The following ARID2 variants were observed in gnomAD, a reference collection of about 807,000 sequenced individuals.
ARID2 encodes the protein AT-rich interactive domain-containing protein 2.
In ARID2, 32 loss-of-function variants were observed where a neutral mutation model predicts 184.6. The ratio of observed to expected loss-of-function variants is 0.17; its 90% confidence interval spans 0.13 to 0.23. ARID2 has a LOEUF of 0.23. ARID2 is among the 10% of genes least tolerant of loss of function. ARID2 has a pLI of 1.00. For synonymous variants in ARID2, 836 were observed against 772.6 expected (o/e 1.08, Z -1.36); for missense variants, 1,696 against 2,197.6 (o/e 0.77, Z 4.56).
intron 3 of ARID2, among the ~76,000 whole-genome samples, chr12:45,810,993 A>C (rs1056986377): frequency 6.6e-6 from 1 of 151,994 alleles, no homozygotes; most frequent in African/African-American, 2.4e-5. Context: ...GTGGGTCACG[A>C]GGTCAGGAAA....
intron 3 of ARID2, among the ~76,000 whole-genome samples, chr12:45,796,915 G>A (rs1022514390): frequency 1.5e-4 from 23 of 152,276 alleles, no homozygotes; most frequent in Admixed American, 1.2e-3. Context: ...TTATCCTTCA[G>A]AACCGATATA....
At chr12:45,893,841 A>G in intron 20 of ARID2, 120 bp downstream of exon 20, 2 of 887,770 alleles carry the variant, frequency 2.3e-6, no homozygotes, top group Non-Finnish European at 3.2e-6. Context: ...TTGCAAATAC[A>G]TCCAAAAGTT....
Position 45,850,401 on chromosome 12 carries a change from C to G in ARID2, c.2278C>G (p.Gln760Glu), listed in dbSNP as rs2138161612. Residue 760 changes from glutamine (Q) to glutamate (E), a missense_variant, in exon 15 of 21, where the codon CAG (glutamine) becomes GAG (glutamate). Coordinates refer to ENST00000334344, the MANE Select transcript of ARID2 (RefSeq NM_152641.4). ...ACAACCTGTTACAGTTGTGAATTCT[C>G]AGACATTGCTTCACCATCCATCTGT... ...GPQPVTVVNS[Q>E]TLLHHPSVIP... 6.2e-7 allele frequency: 1 copy of G among 1,614,048 alleles called. No individual in the cohort carries two copies.
At chr12:45,847,018 C>T (rs1592116544) in intron 12 of ARID2, 81 bp downstream of exon 12, 2 of 1,288,974 alleles carry the variant, frequency 1.6e-6, no homozygotes, top group Non-Finnish European at 1.1e-6. Context: ...CTACAGACAT[C>T]CAGAATGTTT....
At chr12:45,886,552 C>T (rs536958830) in intron 16 of ARID2, among the ~76,000 whole-genome samples, 1 of 152,340 alleles carries the variant, frequency 6.6e-6, no homozygotes, top group South Asian at 2.1e-4. Context: ...CTCTGACCTG[C>T]CCTAGCAGAT....
chr12:45,828,235 CT>C (rs955480287), intron 6 of ARID2, among the ~76,000 whole-genome samples: 3 of 151,972 alleles, frequency 2.0e-5, no homozygotes, highest in Non-Finnish European at 4.4e-5. Flanking sequence ...TTCTACTTCT[CT>C]TTTTTTCTTT....
At position 45,905,154 on chromosome 12, in the gene ARID2, G is replaced by A. The variant is rs1244620266; in HGVS notation, c.*76G>A. The A allele has an allele frequency of 4.8e-6, 7 of 1,452,110 alleles. No individual in the cohort carries two copies. The highest frequency in any genetic ancestry group is 6.5e-6 in the Non-Finnish European group (7 of 1,072,468). The allele number at this position is 1,452,110 out of a possible 1,614,324, so 90.0% of individuals were successfully genotyped here. A position where few individuals can be genotyped will look rare whatever the true frequency, so the allele number is the denominator to read the frequency against. On this transcript the variant is annotated 3_prime_UTR_variant, in exon 21 of 21. Transcript: ENST00000334344. The stretch of plus-strand genomic sequence containing the variant: ...ATACTGTTACTGAAGAAAGCACCAA[G>A]TCTTAATGGAACAAAGACCATAGAA...
intron 11 of ARID2, 103 bp downstream of exon 11, chr12:45,839,599 G>A: frequency 1.5e-6 from 2 of 1,359,662 alleles, no homozygotes; most frequent in Non-Finnish European, 9.9e-7. Context: ...ATATTTTACA[G>A]TATAGTAGGC....
intron 3 of ARID2, among the ~76,000 whole-genome samples, chr12:45,755,650 A>G (rs1367589816): frequency 6.6e-6 from 1 of 152,196 alleles, no homozygotes; most frequent in Admixed American, 6.5e-5. Flanking sequence ...TTTAGATTAC[A>G]TGTAGCTTAT....
At chr12:45,823,573 G>A (rs773954947) in intron 6 of ARID2, among the ~76,000 whole-genome samples, 20 of 151,828 alleles carry the variant, frequency 1.3e-4, no homozygotes, top group Non-Finnish European at 1.9e-4. Context: ...AAAAAAGAGA[G>A]AAGACTCAAA....
In ARID2 at chr12:45,836,943, T is replaced by A. The variant is rs1377376309; in HGVS notation, c.975T>A (p.Ile325=). ...TACTTTCTGCACATAGTCATTTTAT[T>A]TCTTTAAGGCAATTAGGCCTTGACA... ...FLLLSAHSHF[I]SLRQLGLDTL... is the part of the protein sequence containing the mutation. The change falls in exon 8 of 21, where the codon ATT becomes ATA. Residue 325 remains isoleucine, a synonymous_variant. Transcript: ENST00000334344. The A allele has an allele frequency of 2.5e-6, 4 of 1,614,084 alleles. 1 individual carries two copies. The Admixed American group carries it at 6.7e-5, about 27-fold the overall frequency.
intron 11 of ARID2, among the ~76,000 whole-genome samples, chr12:45,844,321 C>A (rs150957588): frequency 1.3e-5 from 2 of 152,252 alleles, no homozygotes; most frequent in African/African-American, 4.8e-5. Flanking sequence ...GCCTGGCCCA[C>A]CTTTGATATT....
chr12:45,868,348 C>T (rs954884274), intron 16 of ARID2, among the ~76,000 whole-genome samples: 2 of 151,964 alleles, frequency 1.3e-5, no homozygotes, highest in Non-Finnish European at 2.9e-5. Flanking sequence ...GGCTGAGGCA[C>T]GAGAATCGCT....
chr12:45,903,754 C>G (rs1462302469), intron 20 of ARID2, among the ~76,000 whole-genome samples: 1 of 151,994 alleles, frequency 6.6e-6, no homozygotes, highest in Non-Finnish European at 1.5e-5. Context: ...TCAAAATGTA[C>G]GTGTCTTCAT....
At position 45,768,810 on chromosome 12, in the gene ARID2, A is replaced by G. The variant is rs80296876; in HGVS notation, c.284+37496A>G. 3.0e-3 allele frequency among the ~76,000 whole-genome samples: 457 copies of G among 152,322 alleles called. No homozygotes were observed. The Middle Eastern group carries it at 0.037, about 12-fold the overall frequency. ...CAGATTTGTTTTGATTGACCTGTGA[A>G]GCAATTTATGCTTCAGCACATTGTT... On this transcript the variant is annotated intron_variant, in intron 3 of 20. Coordinates refer to ENST00000334344, the MANE Select transcript of ARID2 (RefSeq NM_152641.4).
Position 45,741,637 on chromosome 12 carries a change from T to TAA in ARID2, c.284+10324_284+10325dup, listed in dbSNP as rs145588506. 5.4e-3 allele frequency among the ~76,000 whole-genome samples: 818 copies of TAA among 152,360 alleles called. 6 individuals carry two copies. The highest frequency in any genetic ancestry group is 0.019 in the African/African-American group (778 of 41,588). ...TAGATTTGGCCAGTGAGAGCCCTTT[T>TAA]AAGCTGGCTCCTTTATCTTTTTAAC... On this transcript the variant is annotated intron_variant, in intron 3 of 20. Transcript: ENST00000334344.
intron 3 of ARID2, among the ~76,000 whole-genome samples, chr12:45,754,140 T>C (rs1009328644): frequency 6.6e-6 from 1 of 152,196 alleles, no homozygotes; most frequent in Non-Finnish European, 1.5e-5. Flanking sequence ...AAAAACAAAC[T>C]GTTGAATCTT....
chr12:45,861,163 G>A (rs975555281), intron 16 of ARID2, among the ~76,000 whole-genome samples: 10 of 152,150 alleles, frequency 6.6e-5, no homozygotes, highest in Admixed American at 2.0e-4. Context: ...TTAATGGTAC[G>A]TTGTAGAGAA....
At position 45,874,459 on chromosome 12, in the gene ARID2, A is replaced by G. The variant is rs1476642271; in HGVS notation, c.4922+13510A>G. ...TTCACAGCATCTTCACCAGGAGTAG[A>G]TTCTACCCCAAGAAACCACTTTCTT... On this transcript the variant is annotated intron_variant, in intron 16 of 20. Transcript: ENST00000334344. The G allele has an allele frequency of 1.5e-5, 3 of 199,120 alleles. No homozygotes were observed. In the Admixed American group the frequency reaches 1.5e-4, roughly 10 times the overall value. The allele number at this position is 199,120 out of a possible 1,614,324, so 12.3% of individuals were successfully genotyped here.
Sources: gnomAD v4.1 joint callset for allele counts (sites outside exome capture counted in the v4.1 genomes callset) on GRCh38, gnomAD v4.1.1 for gene constraint, MANE v1.5 for transcripts, NCBI Gene and HGNC (gene_info 2026-07-23, HGNC 2026-07-21) for gene names.